The following RBFOX1 variants were observed in gnomAD, a reference collection of about 807,000 sequenced individuals.
RBFOX1 encodes RNA binding protein fox-1 homolog 1.
Under a neutral mutation model 57.7 loss-of-function variants are expected in RBFOX1, and 8 were observed. The observed-to-expected ratio is 0.14, with a 90% CI of 0.08 to 0.25. The LOEUF (loss-of-function observed/expected upper bound fraction) is 0.25. RBFOX1 is among the 10% of genes least tolerant of loss of function. RBFOX1 has a pLI of 1.00. For synonymous variants in RBFOX1, 326 were observed against 222.4 expected (o/e 1.47, Z -4.15); for missense variants, 611 against 548.5 (o/e 1.11, Z -1.14).
chr16:7,011,203 T>G (rs927036377), intron 3 of RBFOX1, among the ~76,000 whole-genome samples: 18 of 152,192 alleles, frequency 1.2e-4, no homozygotes, highest in African/African-American at 4.3e-4. Context: ...CAGTCATTCG[T>G]GGAGTCCTCA....
intron 2 of RBFOX1, among the ~76,000 whole-genome samples, chr16:6,348,569 G>A (rs780956768): frequency 6.6e-6 from 1 of 152,112 alleles, no homozygotes; most frequent in African/African-American, 2.4e-5. Flanking sequence ...GGTTCTGCAC[G>A]CTGTACAGGA....
chr16:5,386,105 CTT>C (rs33929621), intron 1 of RBFOX1, among the ~76,000 whole-genome samples: 25,860 of 146,758 alleles, frequency 0.18, 2,616 homozygotes, highest in Non-Finnish European at 0.22. Context: ...AAGTTTGCAA[CTT>C]TTTTTTTTTT....
At chr16:5,592,954 A>G (rs961306195) in intron 2 of RBFOX1, among the ~76,000 whole-genome samples, 5 of 152,186 alleles carry the variant, frequency 3.3e-5, no homozygotes, top group African/African-American at 1.2e-4. Context: ...GCTGGATAAA[A>G]TGAGACTGAG....
chr16:5,589,375 G>A (rs1283001997), intron 2 of RBFOX1, among the ~76,000 whole-genome samples: 1 of 152,126 alleles, frequency 6.6e-6, no homozygotes, highest in Non-Finnish European at 1.5e-5. Flanking sequence ...GGCCAACCTG[G>A]GGCAAGTCAC....
chr16:6,561,278 C>A (rs1322139146), intron 2 of RBFOX1, among the ~76,000 whole-genome samples: 3 of 152,160 alleles, frequency 2.0e-5, no homozygotes, highest in African/African-American at 7.2e-5. Flanking sequence ...CAGAATGTTA[C>A]AGTCTGCTGG....
intron 4 of RBFOX1, among the ~76,000 whole-genome samples, chr16:7,150,063 C>T (rs1036589088): frequency 1.3e-5 from 2 of 152,208 alleles, no homozygotes; most frequent in Non-Finnish European, 2.9e-5. Flanking sequence ...CTGTGAACCT[C>T]CTGCCCCAGC....
intron 1 of RBFOX1, among the ~76,000 whole-genome samples, chr16:5,393,536 G>T (rs514153): frequency 2.0e-5 from 3 of 151,998 alleles, no homozygotes; most frequent in Admixed American, 2.0e-4. Context: ...TGATGAATGG[G>T]TCTTTCTGAG....
chr16:6,281,417 T>C (rs1351968486), intron 1 of RBFOX1, among the ~76,000 whole-genome samples: 2 of 152,128 alleles, frequency 1.3e-5, no homozygotes, highest in Non-Finnish European at 2.9e-5. Context: ...AGCCCACGCC[T>C]TGTAATACCA....
At chr16:6,189,389 A>C (rs976962594) in intron 1 of RBFOX1, among the ~76,000 whole-genome samples, 1 of 152,208 alleles carries the variant, frequency 6.6e-6, no homozygotes, top group African/African-American at 2.4e-5. Flanking sequence ...TTGCCAACTC[A>C]TCATAAACTC....
intron 4 of RBFOX1, among the ~76,000 whole-genome samples, chr16:7,500,020 C>T (rs1415841809): frequency 6.6e-6 from 1 of 152,176 alleles, no homozygotes; most frequent in Non-Finnish European, 1.5e-5. Context: ...TGCAAAACCT[C>T]TTCTTCCTCA....
At chr16:5,432,153 C>T (rs982198154) in intron 1 of RBFOX1, among the ~76,000 whole-genome samples, 22 of 152,126 alleles carry the variant, frequency 1.4e-4, no homozygotes, top group Non-Finnish European at 3.1e-4. Context: ...AGGGAAAATC[C>T]ACCAGGATTG....
chr16:7,200,985 TTAATC>T (rs1166143594), intron 4 of RBFOX1, among the ~76,000 whole-genome samples: 3 of 152,206 alleles, frequency 2.0e-5, no homozygotes, highest in African/African-American at 7.2e-5. Flanking sequence ...GAGAGAAAAA[TTAATC>T]TATATTTTGT....
At chr16:6,719,555 C>G (rs571999624) in intron 3 of RBFOX1, among the ~76,000 whole-genome samples, 30 of 151,744 alleles carry the variant, frequency 2.0e-4, no homozygotes, top group Non-Finnish European at 4.3e-4. Context: ...ATTCTTCTGC[C>G]TCAGCCTCTG....
intron 3 of RBFOX1, among the ~76,000 whole-genome samples, chr16:6,905,093 CAG>C (rs1567810853): frequency 6.6e-6 from 1 of 152,132 alleles, no homozygotes; most frequent in African/African-American, 2.4e-5. Flanking sequence ...CCCTGGGAGT[CAG>C]TGTTGTTAAA....
intron 2 of RBFOX1, among the ~76,000 whole-genome samples, chr16:6,485,546 C>G (rs955038446): frequency 7.2e-5 from 11 of 152,110 alleles, no homozygotes; most frequent in African/African-American, 1.4e-4. Context: ...GTTTTTCTTT[C>G]TTTCTTTCAG....
chr16:6,975,207 G>C (rs80025261), intron 3 of RBFOX1, among the ~76,000 whole-genome samples: 1 of 152,158 alleles, frequency 6.6e-6, no homozygotes, highest in Admixed American at 6.5e-5. Flanking sequence ...GCATCTGCCC[G>C]ACGCACAGAA....
At chr16:6,409,690 A>C (rs1320024974) in intron 2 of RBFOX1, among the ~76,000 whole-genome samples, 1 of 152,172 alleles carries the variant, frequency 6.6e-6, no homozygotes, top group East Asian at 1.9e-4. Flanking sequence ...GAGGGGAAAA[A>C]GGTTTCGGCT....
chr16:6,911,498 A>G (rs11077109), intron 3 of RBFOX1, among the ~76,000 whole-genome samples: 36,148 of 151,960 alleles, frequency 0.24, 4,420 homozygotes, highest in East Asian at 0.31. Context: ...TGTTCTCCCC[A>G]TAAGCATGTC....
intron 4 of RBFOX1, among the ~76,000 whole-genome samples, chr16:7,516,821 C>T (rs2076460407): frequency 6.6e-6 from 1 of 152,128 alleles, no homozygotes; most frequent in Non-Finnish European, 1.5e-5. Flanking sequence ...CCGTGTGCTG[C>T]TCTGAGAACA....
Sources: gnomAD v4.1 joint callset for allele counts (sites outside exome capture counted in the v4.1 genomes callset) on GRCh38, gnomAD v4.1.1 for gene constraint, MANE v1.5 for transcripts, NCBI Gene and HGNC (gene_info 2026-07-23, HGNC 2026-07-21) for gene names.